Variants in PARD3 observed in about 807,000 individuals in gnomAD.
PARD3 encodes the protein par-3 family cell polarity regulator.
In PARD3, 75 loss-of-function variants were observed where a neutral mutation model predicts 155.4. The ratio of observed to expected loss-of-function variants is 0.48; its 90% CI spans 0.40 to 0.58. The LOEUF (loss-of-function observed/expected upper bound fraction) is 0.58. PARD3 is among the 20% of genes least tolerant of loss of function. The probability of loss-of-function intolerance (pLI) is 0.00; values close to 1 mark genes in which losing one functional copy is unlikely to be tolerated. For missense variants in PARD3, 1,642 were observed against 1,721.7 expected, an observed-to-expected ratio of 0.95 and a Z score of 0.82; for synonymous variants, 576 against 610.5, an observed-to-expected ratio of 0.94 and a Z score of 0.83.
chr10:34,708,740 C>G (rs1420014145), intron 1 of PARD3, among the ~76,000 whole-genome samples: 1 of 151,782 alleles, frequency 6.6e-6, no homozygotes, highest in Non-Finnish European at 1.5e-5. Context: ...TTTTCTAGAT[C>G]AAAAAGATTA....
At chr10:34,680,840 G>C (rs535068797) in intron 2 of PARD3, among the ~76,000 whole-genome samples, 1,926 of 119,262 alleles carry the variant, frequency 0.016, 24 homozygotes, top group Middle Eastern at 0.032. Flanking sequence ...GTGGTGGGGT[G>C]GGGGGAGGGG....
intron 9 of PARD3, among the ~76,000 whole-genome samples, chr10:34,380,422 T>C: frequency 6.6e-6 from 1 of 152,160 alleles, no homozygotes; most frequent in East Asian, 1.9e-4. Context: ...AATGCAATCA[T>C]ATTTTTCATT....
At chr10:34,229,747 T>C (rs1952820108) in intron 22 of PARD3, among the ~76,000 whole-genome samples, 1 of 152,060 alleles carries the variant, frequency 6.6e-6, no homozygotes, top group Non-Finnish European at 1.5e-5. Flanking sequence ...TCTTATGTTT[T>C]CAGTACACCT....
chr10:34,733,948 GTTT>G (rs11448579), intron 1 of PARD3, among the ~76,000 whole-genome samples: 4 of 144,856 alleles, frequency 2.8e-5, no homozygotes, highest in Non-Finnish European at 4.5e-5. Flanking sequence ...AATCAAAGCT[GTTT>G]TTTTTTTTTT....
intron 2 of PARD3, among the ~76,000 whole-genome samples, chr10:34,537,300 T>A (rs975503665): frequency 2.0e-5 from 3 of 152,222 alleles, no homozygotes; most frequent in Non-Finnish European, 2.9e-5. Flanking sequence ...TGGCCCGTAT[T>A]CTAACTTTTT....
chr10:34,133,042 T>C (rs1947695291), intron 22 of PARD3, among the ~76,000 whole-genome samples: 1 of 151,994 alleles, frequency 6.6e-6, no homozygotes, highest in Non-Finnish European at 1.5e-5. Context: ...TTCCCATCCA[T>C]CCCACTGAGA....
intron 2 of PARD3, among the ~76,000 whole-genome samples, chr10:34,557,920 A>T (rs1254889398): frequency 6.6e-6 from 1 of 150,814 alleles, no homozygotes; most frequent in Non-Finnish European, 1.5e-5. Flanking sequence ...CCTGGGTGAC[A>T]GTGTGAGACC....
At chr10:34,736,017 C>G (rs769527836) in intron 1 of PARD3, among the ~76,000 whole-genome samples, 2 of 151,954 alleles carry the variant, frequency 1.3e-5, no homozygotes, top group Non-Finnish European at 2.9e-5. Flanking sequence ...AGCCACCACA[C>G]CAAACTTGTT....
Position 34,454,147 on chromosome 10 carries a change from T to C in PARD3, c.583-3699A>G, listed in dbSNP as rs546079478. On this transcript the variant is annotated intron_variant, in intron 4 of 24. Transcript: ENST00000374788. ...CATATTTGTTATATTTTTGACAGCA[T>C]CATGCAGGTCCTACTAGCGTTTCAG... Among the ~76,000 whole-genome samples the C allele has an allele frequency of 5.6e-4, 86 of 152,296 alleles. 1 individual carries two copies. Among genetic ancestry groups the C allele is most frequent in the African/African-American group, 1.9e-3 (81 of 41,578 alleles).
intron 2 of PARD3, among the ~76,000 whole-genome samples, chr10:34,542,940 C>A (rs1264855478): frequency 1.3e-5 from 2 of 152,136 alleles, no homozygotes; most frequent in Admixed American, 1.3e-4. Flanking sequence ...AATGATAAGA[C>A]AATTCTCACT....
intron 22 of PARD3, among the ~76,000 whole-genome samples, chr10:34,249,561 GTATAT>G (rs1305017391): frequency 1.3e-5 from 2 of 152,052 alleles, no homozygotes; most frequent in Non-Finnish European, 2.9e-5. Context: ...TCCGTGCTGG[GTATAT>G]TTTTAAGTTT....
Position 34,150,872 on chromosome 10 carries a change from C to T in PARD3, c.3420-19289G>A, listed in dbSNP as rs139217027. 2.8e-3 allele frequency among the ~76,000 whole-genome samples: 431 copies of T among 152,314 alleles called. 2 individuals are homozygous for T. Among genetic ancestry groups the T allele is most frequent in the African/African-American group, 0.01 (419 of 41,564 alleles). ...TCATAATTATCCTCTCCAAGTCCAT[C>T]TCTAAGACTAACCTTCCTACTTCCT... On this transcript the variant is annotated intron_variant, in intron 22 of 24. Coordinates refer to ENST00000374788, the MANE Select transcript of PARD3 (RefSeq NM_001184785.2).
chr10:34,620,160 C>A (rs1209957180), intron 2 of PARD3, among the ~76,000 whole-genome samples: 2 of 152,156 alleles, frequency 1.3e-5, no homozygotes, highest in Non-Finnish European at 2.9e-5. Context: ...TATAATCTCA[C>A]CTCCCCTTGG....
chr10:34,768,868 G>T (rs1838472501), intron 1 of PARD3, among the ~76,000 whole-genome samples: 1 of 152,202 alleles, frequency 6.6e-6, no homozygotes, highest in Non-Finnish European at 1.5e-5. Flanking sequence ...CCCCAGGCAT[G>T]GTGACAGAGC....
At chr10:34,357,015 T>C (rs1319769033) in intron 14 of PARD3, among the ~76,000 whole-genome samples, 2 of 152,232 alleles carry the variant, frequency 1.3e-5, no homozygotes, top group African/African-American at 4.8e-5. Flanking sequence ...ACTTAAATCA[T>C]ATTCATTCAC....
chr10:34,575,996 T>G (rs1399056036), intron 2 of PARD3, among the ~76,000 whole-genome samples: 1 of 152,220 alleles, frequency 6.6e-6, no homozygotes, highest in Non-Finnish European at 1.5e-5. Flanking sequence ...ATCTTTCTTT[T>G]CTACTGACTC....
intron 22 of PARD3, among the ~76,000 whole-genome samples, chr10:34,169,402 C>T (rs1224141527): frequency 1.3e-5 from 2 of 152,116 alleles, no homozygotes; most frequent in Non-Finnish European, 2.9e-5. Flanking sequence ...GCTGGATATT[C>T]TGGTGATAAA....
At chr10:34,421,814 G>A (rs1846214710) in intron 5 of PARD3, among the ~76,000 whole-genome samples, 1 of 152,152 alleles carries the variant, frequency 6.6e-6, no homozygotes, top group Non-Finnish European at 1.5e-5. Flanking sequence ...GTAAAGAATT[G>A]TATGTATGCT....
At chr10:34,757,470 C>G (rs1449363528) in intron 1 of PARD3, among the ~76,000 whole-genome samples, 2 of 152,022 alleles carry the variant, frequency 1.3e-5, no homozygotes, top group Non-Finnish European at 2.9e-5. Context: ...TTTGGGAGGC[C>G]AAGGCAGGCA....
Sources: allele counts gnomAD v4.1 joint callset (sites outside exome capture counted in the v4.1 genomes callset), GRCh38; gene constraint gnomAD v4.1.1; transcripts MANE v1.5; gene names NCBI Gene and HGNC (gene_info 2026-07-23, HGNC 2026-07-21).